Variants in CCDC171 observed in about 807,000 individuals in gnomAD.
CCDC171 encodes coiled-coil domain containing 171.
In CCDC171, 177 loss-of-function variants were observed where a neutral mutation model predicts 168.2. That is an observed-to-expected ratio of 1.05 (90% CI 0.93 to 1.19). The LOEUF (loss-of-function observed/expected upper bound fraction) is 1.19, where lower values mean the gene tolerates loss of function less well. Among genes scored for constraint, CCDC171 ranks in the 50% most tolerant of loss-of-function variants. The pLI is 0.00. For synonymous variants in CCDC171, 687 were observed against 540.8 expected (o/e 1.27, Z -3.75); for missense variants, 1,991 against 1,539.0 (o/e 1.29, Z -4.91).
At chr9:15,983,493 T>C (rs1462301364) in intron 3 of CCDC171, among the ~76,000 whole-genome samples, 1 of 140,112 alleles carries the variant, frequency 7.1e-6, no homozygotes, top group African/African-American at 2.4e-5. Context: ...TGTGTGTGTG[T>C]GTGTGTGTGT....
At chr9:15,702,170 T>C (rs1272999052) in intron 11 of CCDC171, among the ~76,000 whole-genome samples, 3 of 152,108 alleles carry the variant, frequency 2.0e-5, no homozygotes, top group African/African-American at 7.2e-5. Flanking sequence ...GTCTCAACAG[T>C]GGGCTTAAAA....
chr9:15,671,400 C>T (rs2049099987), intron 9 of CCDC171, among the ~76,000 whole-genome samples: 1 of 151,670 alleles, frequency 6.6e-6, no homozygotes, highest in Admixed American at 6.6e-5. Flanking sequence ...ATACAACGTG[C>T]AGGTTTGTTA....
At chr9:15,786,431 G>GAT (rs1262159503) in intron 21 of CCDC171, among the ~76,000 whole-genome samples, 1 of 151,892 alleles carries the variant, frequency 6.6e-6, no homozygotes, top group Non-Finnish European at 1.5e-5. Context: ...TCAACATTTT[G>GAT]ATATATATAT....
At chr9:16,102,041 C>T in the CCDC171 span, among the ~76,000 whole-genome samples, 1 of 152,190 alleles carries the variant, frequency 6.6e-6, no homozygotes, top group South Asian at 2.1e-4. Flanking sequence ...CAATAGTAAA[C>T]CAAAACACCT....
chr9:15,721,915 G>A (rs753059167), intron 12 of CCDC171, 40 bp downstream of exon 12: 7 of 1,090,720 alleles, frequency 6.4e-6, no homozygotes, highest in African/African-American at 3.2e-5. Context: ...TATAGCCTTC[G>A]GCCTGTACCA....
intron 25 of CCDC171, among the ~76,000 whole-genome samples, chr9:15,966,594 C>T (rs576657998): frequency 2.6e-5 from 4 of 152,168 alleles, no homozygotes; most frequent in African/African-American, 7.2e-5. Context: ...ATATATTCTA[C>T]CTCTTTTTTC....
chr9:15,932,788 A>C (rs1180442008), intron 25 of CCDC171, among the ~76,000 whole-genome samples: 2 of 151,842 alleles, frequency 1.3e-5, no homozygotes, highest in Non-Finnish European at 2.9e-5. Flanking sequence ...TCTATTCCTC[A>C]CTTGTTGAGA....
In CCDC171 at chr9:15,700,714, G is replaced by C. The variant is rs2051664037; in HGVS notation, c.1318+5377G>C. On this transcript the variant is annotated intron_variant, in intron 11 of 25. Transcript: ENST00000380701. Reference sequence around the variant, plus strand: ...TTGCCCAGGCTAGTCTTAAACTCTTGGTCTCAAGCAGTCCTCCCACTTCAT... The same window carrying C: ...TTGCCCAGGCTAGTCTTAAACTCTTCGTCTCAAGCAGTCCTCCCACTTCAT... Among the ~76,000 whole-genome samples, 3 of 151,744 alleles carry C rather than the reference G, an allele frequency of 2.0e-5. No individual in the cohort carries two copies. In the South Asian group the frequency reaches 6.2e-4, roughly 32 times the overall value.
At chr9:16,081,625 T>C in the CCDC171 span, among the ~76,000 whole-genome samples, 1 of 152,210 alleles carries the variant, frequency 6.6e-6, no homozygotes, top group East Asian at 1.9e-4. Flanking sequence ...CAGGCTATGA[T>C]GTGCCTAGAC....
In CCDC171 at chr9:15,745,559, C is replaced by G. The variant is rs778515156; in HGVS notation, c.2599C>G (p.Leu867Val). 1.6e-4 allele frequency: 253 copies of G among 1,589,110 alleles called. 2 individuals are homozygous for G. The highest frequency in any genetic ancestry group is 2.1e-4 in the Non-Finnish European group (245 of 1,169,940). ...QLRCLQALSW[L>V]TSSDLLAAII... is the part of the protein sequence containing the mutation. The stretch of plus-strand genomic sequence containing the variant: ...GCGTTGTTTACAAGCGCTCAGTTGG[C>G]TCACCAGTTCTGACCTTCTTGCTGC... The change falls in exon 18 of 26, where the codon CTC becomes GTC. Residue 867 changes from leucine (L) to valine (V), a missense_variant. Coordinates refer to ENST00000380701, the MANE Select transcript of CCDC171 (RefSeq NM_173550.4).
chr9:15,781,568 C>T (rs1027609808), intron 20 of CCDC171, among the ~76,000 whole-genome samples: 10 of 152,056 alleles, frequency 6.6e-5, no homozygotes, highest in South Asian at 2.1e-4. Flanking sequence ...CCCACCACCA[C>T]GCTCAGCTAA....
At chr9:16,108,645 C>T in the CCDC171 span, among the ~76,000 whole-genome samples, 1 of 152,184 alleles carries the variant, frequency 6.6e-6, no homozygotes, top group Admixed American at 6.5e-5. Context: ...TGAATATACT[C>T]AGTCCGAATA....
chr9:15,706,558 GATT>G (rs2052252647), intron 11 of CCDC171, among the ~76,000 whole-genome samples: 1 of 152,090 alleles, frequency 6.6e-6, no homozygotes, highest in African/African-American at 2.4e-5. Flanking sequence ...AAAGTGCTGC[GATT>G]ATAGGTGTAA....
intron 3 of CCDC171, among the ~76,000 whole-genome samples, chr9:16,001,790 A>G (rs1832553359): frequency 1.3e-5 from 2 of 152,028 alleles, no homozygotes; most frequent in South Asian, 4.1e-4. Context: ...TATACTACAT[A>G]ATACTTGGTA....
chr9:15,776,036 T>C (rs2057306922), intron 18 of CCDC171: 1 of 152,216 alleles, frequency 6.6e-6, no homozygotes, highest in Non-Finnish European at 1.5e-5. Flanking sequence ...CATTCAACAG[T>C]GGCCTATTTA....
At chr9:15,825,231 C>G (rs912982241) in intron 21 of CCDC171, among the ~76,000 whole-genome samples, 3 of 151,940 alleles carry the variant, frequency 2.0e-5, no homozygotes, top group Non-Finnish European at 4.4e-5. Context: ...TTAAAGACAC[C>G]AACCACATGA....
At chr9:15,999,936 G>C (rs990813409) in intron 3 of CCDC171, among the ~76,000 whole-genome samples, 1 of 152,146 alleles carries the variant, frequency 6.6e-6, no homozygotes, top group Non-Finnish European at 1.5e-5. Context: ...TCTTCCTTCT[G>C]ACTCTTCTCC....
intron 7 of CCDC171, among the ~76,000 whole-genome samples, chr9:15,638,394 G>A (rs1033892994): frequency 6.6e-6 from 1 of 151,962 alleles, no homozygotes; most frequent in Non-Finnish European, 1.5e-5. Flanking sequence ...ACTCAATTGC[G>A]GAGACAATCA....
chr9:15,650,443 A>G (rs2047425780), intron 7 of CCDC171, among the ~76,000 whole-genome samples: 1 of 152,094 alleles, frequency 6.6e-6, no homozygotes, highest in South Asian at 2.1e-4. Context: ...GTGGGTGTGA[A>G]GGTATCTCTT....
Sources: allele counts gnomAD v4.1 joint callset (sites outside exome capture counted in the v4.1 genomes callset), GRCh38; gene constraint gnomAD v4.1.1; transcripts MANE v1.5; gene names NCBI Gene and HGNC (gene_info 2026-07-23, HGNC 2026-07-21).